Variants in GPHN observed in about 807,000 individuals in gnomAD.
The protein encoded by GPHN is gephyrin.
In GPHN, 17 loss-of-function variants were observed where a neutral mutation model predicts 95.5. The ratio of observed to expected loss-of-function variants is 0.18; its 90% CI spans 0.12 to 0.27. The LOEUF (loss-of-function observed/expected upper bound fraction) is 0.27, where lower values mean the gene tolerates loss of function less well. Among genes scored for constraint, GPHN ranks in the 10% least tolerant of loss-of-function variants. GPHN has a pLI of 1.00. For missense variants in GPHN, 660 were observed against 978.1 expected (o/e 0.67, Z 4.34); for synonymous variants, 320 against 322.5 (o/e 0.99, Z 0.08).
At chr14:67,646,803 C>A in the GPHN span, 1 of 1,469,844 alleles carries the variant, frequency 6.8e-7, no homozygotes, top group Non-Finnish European at 9.5e-7. Flanking sequence ...ATTTGAAAGG[C>A]TGATGCTTAA....
chr14:67,060,564 A>G (rs1318276847), intron 11 of GPHN, among the ~76,000 whole-genome samples: 2 of 152,238 alleles, frequency 1.3e-5, no homozygotes, highest in Non-Finnish European at 2.9e-5. Context: ...ATAAACATCA[A>G]GTAAATGTCA....
the GPHN span, among the ~76,000 whole-genome samples, chr14:67,719,471 A>AT: frequency 6.6e-6 from 1 of 151,606 alleles, no homozygotes; most frequent in Non-Finnish European, 1.5e-5. Flanking sequence ...AAGTTTATTT[A>AT]TTTTTTCTTT....
At chr14:67,569,206 T>C in the GPHN span, 1 of 1,610,072 alleles carries the variant, frequency 6.2e-7, no homozygotes, top group African/African-American at 1.3e-5. Flanking sequence ...GAAGTAATAC[T>C]GCATGCTGCG....
chr14:67,581,168 C>A, the GPHN span: 1 of 643,760 alleles, frequency 1.6e-6, no homozygotes, highest in Non-Finnish European at 2.8e-6. Flanking sequence ...GCCTGGCAGT[C>A]ACTAGCTGGG....
intron 1 of GPHN, among the ~76,000 whole-genome samples, chr14:66,611,368 C>G (rs2062775259): frequency 6.6e-6 from 1 of 152,114 alleles, no homozygotes; most frequent in Admixed American, 6.6e-5. Context: ...ATAAGATACC[C>G]TTAACACTGA....
intron 8 of GPHN, among the ~76,000 whole-genome samples, chr14:66,940,812 A>T (rs1449767836): frequency 6.6e-6 from 1 of 152,176 alleles, no homozygotes; most frequent in Non-Finnish European, 1.5e-5. Context: ...GAGGAGTTGC[A>T]TGGACTCCTT....
At chr14:67,209,326 AGT>A in the GPHN span, among the ~76,000 whole-genome samples, 1 of 152,140 alleles carries the variant, frequency 6.6e-6, no homozygotes, top group Non-Finnish European at 1.5e-5. Flanking sequence ...GAGAATAGAG[AGT>A]GAGAGTAATT....
the GPHN span, among the ~76,000 whole-genome samples, chr14:67,202,620 T>C: frequency 6.6e-6 from 1 of 152,192 alleles, no homozygotes; most frequent in African/African-American, 2.4e-5. Flanking sequence ...ATTAATTGGC[T>C]CTATGGAATT....
intron 7 of GPHN, 97 bp from the exon 8 acceptor site, chr14:66,924,097 C>T: frequency 1.4e-6 from 1 of 731,560 alleles, no homozygotes; most frequent in South Asian, 1.5e-5. Flanking sequence ...TTCATTTTTC[C>T]ATTTGTTTTT....
chr14:67,179,189 A>C (rs1193107088), intron 21 of GPHN, among the ~76,000 whole-genome samples: 1 of 152,086 alleles, frequency 6.6e-6, no homozygotes, highest in Non-Finnish European at 1.5e-5. Context: ...GTTCAAGACC[A>C]GCCTGAGCAA....
chr14:67,284,438 A>AAAAAAAAAC, the GPHN span, among the ~76,000 whole-genome samples: 3 of 145,810 alleles, frequency 2.1e-5, 1 homozygote, highest in Admixed American at 2.1e-4. Context: ...TTAAAAAAAA[A>AAAAAAAAAC]AAAAAACAGC....
At chr14:66,801,361 A>T (rs2060340309) in intron 3 of GPHN, among the ~76,000 whole-genome samples, 1 of 152,138 alleles carries the variant, frequency 6.6e-6, no homozygotes, top group South Asian at 2.1e-4. Context: ...TCCAAATATT[A>T]TGAAAGGACC....
In GPHN at chr14:66,710,262, GATTCCAGTTATCAATC is replaced by G. The variant is rs1235101707; in HGVS notation, c.143+29081_143+29096del. On this transcript the variant is annotated intron_variant, in intron 2 of 22. Transcript: ENST00000478722. Reference sequence around the variant, plus strand: ...TGCAAATACAAATATATGCCAAATAGATTCCAGTTATCAATCATTTGGTAATTTACTCCTCTGTTTA... The same window carrying G: ...TGCAAATACAAATATATGCCAAATAGATTTGGTAATTTACTCCTCTGTTTA... 2.6e-5 allele frequency among the ~76,000 whole-genome samples: 4 copies of G among 152,204 alleles called. No homozygotes were observed. In the East Asian group the frequency reaches 7.7e-4, roughly 29 times the overall value.
intron 10 of GPHN, among the ~76,000 whole-genome samples, chr14:67,052,859 C>T (rs1407375962): frequency 1.3e-5 from 2 of 151,998 alleles, no homozygotes; most frequent in African/African-American, 2.4e-5. Flanking sequence ...GGATAAATAA[C>T]GAAATCAAGG....
In GPHN at chr14:67,101,007, G is replaced by T. The variant is rs554755464; in HGVS notation, c.1293+96G>T. On this transcript the variant is annotated intron_variant, in intron 13 of 22. Transcript: ENST00000478722. The stretch of plus-strand genomic sequence containing the variant: ...TCTCCTATCAGTTTAGTGGAAATTA[G>T]AGAGAGATTAGTCAGAAGATTATCA... 27 of 768,318 alleles carry T rather than the reference G, an allele frequency of 3.5e-5. No individual in the cohort carries two copies. In the African/African-American group the frequency reaches 4.4e-4, roughly 13 times the overall value. The allele number at this position is 768,318 out of a possible 1,614,324, so 47.6% of individuals were successfully genotyped here.
chr14:67,458,492 A>T, the GPHN span, among the ~76,000 whole-genome samples: 2 of 152,300 alleles, frequency 1.3e-5, no homozygotes, highest in East Asian at 3.9e-4. Flanking sequence ...TTTGGGTAAC[A>T]TATTGTTCTT....
intron 11 of GPHN, among the ~76,000 whole-genome samples, chr14:67,065,993 T>A (rs1187839321): frequency 6.6e-6 from 1 of 152,174 alleles, no homozygotes; most frequent in East Asian, 1.9e-4. Flanking sequence ...TGTTACCTGG[T>A]TATTTTACCT....
At chr14:67,400,361 C>A in the GPHN span, among the ~76,000 whole-genome samples, 1 of 152,222 alleles carries the variant, frequency 6.6e-6, no homozygotes, top group Non-Finnish European at 1.5e-5. Flanking sequence ...TCCTTACTTA[C>A]ATCCACATGT....
intron 3 of GPHN, among the ~76,000 whole-genome samples, chr14:66,785,165 C>G (rs1223018632): frequency 6.6e-6 from 1 of 152,088 alleles, no homozygotes; most frequent in Non-Finnish European, 1.5e-5. Flanking sequence ...GTCGGGAGTT[C>G]TAGACCAGCC....
Sources: gnomAD v4.1 joint callset for allele counts (sites outside exome capture counted in the v4.1 genomes callset) on GRCh38, gnomAD v4.1.1 for gene constraint, MANE v1.5 for transcripts, NCBI Gene and HGNC (gene_info 2026-07-23, HGNC 2026-07-21) for gene names.